USP10: variants seen among roughly 807,000 people sequenced by gnomAD.
USP10 encodes ubiquitin carboxyl-terminal hydrolase 10.
USP10 carries 22 observed loss-of-function variants against 84.5 expected under a neutral mutation model. That is an observed-to-expected ratio of 0.26 (90% CI 0.19 to 0.37). The LOEUF (loss-of-function observed/expected upper bound fraction) is 0.37. USP10 is among the 10% of genes least tolerant of loss of function. USP10 has a pLI of 1.00. For missense variants in USP10, 1,019 were observed against 998.9 expected, an observed-to-expected ratio of 1.02 and a Z score of -0.27; for synonymous variants, 454 against 387.6, an observed-to-expected ratio of 1.17 and a Z score of -2.01.
At chr16:84,763,265 C>A (rs1238630296) in intron 9 of USP10, among the ~76,000 whole-genome samples, 177 bp downstream of exon 9, 3 of 151,914 alleles carry the variant, frequency 2.0e-5, no homozygotes, top group South Asian at 2.1e-4. Context: ...TACAGTTTAT[C>A]CCGAACCTCT....
At position 84,717,718 on chromosome 16, in the gene USP10, C is replaced by T. The variant is rs111724995; in HGVS notation, c.22-15717C>T. 1.3e-3 allele frequency among the ~76,000 whole-genome samples: 205 copies of T among 152,280 alleles called. 1 individual carries two copies. The highest frequency in any genetic ancestry group is 4.6e-3 in the African/African-American group (193 of 41,562). ...TAACTGTAGAGTTGAAGAGGAGATGCATCACTTCTTAGTAATCTTCCTGAG... is the reference window on the plus strand; with the variant it reads ...TAACTGTAGAGTTGAAGAGGAGATGTATCACTTCTTAGTAATCTTCCTGAG... On this transcript the variant is annotated intron_variant, in intron 1 of 13. Coordinates refer to ENST00000219473, the MANE Select transcript of USP10 (RefSeq NM_005153.3).
At chr16:84,730,266 C>T (rs1201786517) in intron 1 of USP10, among the ~76,000 whole-genome samples, 1 of 152,052 alleles carries the variant, frequency 6.6e-6, no homozygotes, top group Non-Finnish European at 1.5e-5. Context: ...TATAGCAACA[C>T]AGATACTCTA....
chr16:84,732,479 C>G (rs566166041), intron 1 of USP10: 6 of 387,780 alleles, frequency 1.5e-5, no homozygotes, highest in South Asian at 1.1e-4. Flanking sequence ...TGGAGTCTGG[C>G]TCTGTCGCCC....
chr16:84,732,990 A>T (rs1909437973), intron 1 of USP10: 1 of 427,278 alleles, frequency 2.3e-6, no homozygotes, highest in Non-Finnish European at 4.6e-6. Context: ...AGGATCATTA[A>T]CATTTTCCTT....
intron 1 of USP10, chr16:84,716,350 A>G (rs1173299868): frequency 2.0e-5 from 3 of 152,240 alleles, no homozygotes; most frequent in Non-Finnish European, 4.4e-5. Flanking sequence ...CTCAGGTTCC[A>G]ATCCTGTTCC....
intron 1 of USP10, among the ~76,000 whole-genome samples, chr16:84,727,244 G>A (rs1470469525): frequency 6.6e-6 from 1 of 152,154 alleles, no homozygotes; most frequent in African/African-American, 2.4e-5. Flanking sequence ...GTCATCAGTG[G>A]CATTTCCCTC....
chr16:84,769,355 C>G (rs1914187573), intron 11 of USP10, among the ~76,000 whole-genome samples: 1 of 152,074 alleles, frequency 6.6e-6, no homozygotes, highest in Non-Finnish European at 1.5e-5. Context: ...CACCCAGGCT[C>G]TGGGGGGATC....
chr16:84,716,687 G>A (rs1907058491), intron 1 of USP10, among the ~76,000 whole-genome samples: 1 of 152,156 alleles, frequency 6.6e-6, no homozygotes. Flanking sequence ...GCAGAATAAT[G>A]AATAAATGCA....
At chr16:84,733,691 T>G (rs1329432930) in intron 2 of USP10, among the ~76,000 whole-genome samples, 188 bp downstream of exon 2, 1 of 152,198 alleles carries the variant, frequency 6.6e-6, no homozygotes, top group East Asian at 1.9e-4. Context: ...TGTATTTACT[T>G]TATTAGGCTT....
intron 4 of USP10, among the ~76,000 whole-genome samples, chr16:84,746,882 A>C (rs181637134): frequency 6.6e-6 from 1 of 152,364 alleles, no homozygotes; most frequent in East Asian, 1.9e-4. Context: ...AGCTTAAAAC[A>C]CACACTACAG....
At chr16:84,710,114 AC>A (rs1217174402) in intron 1 of USP10, among the ~76,000 whole-genome samples, 9 of 152,114 alleles carry the variant, frequency 5.9e-5, no homozygotes, top group Non-Finnish European at 1.3e-4. Context: ...TACTAAAAAT[AC>A]AAAAATTAGC....
Position 84,758,996 on chromosome 16 carries a change from AAAAG to A in USP10, c.1284+191_1284+194del, listed in dbSNP as rs557391525. Among the ~76,000 whole-genome samples the A allele has an allele frequency of 6.6e-5, 10 of 152,296 alleles. No homozygotes were observed. The East Asian group carries it at 1.5e-3, about 23-fold the overall frequency. On this transcript the variant is annotated intron_variant, in intron 5 of 13. Coordinates refer to ENST00000219473, the MANE Select transcript of USP10 (RefSeq NM_005153.3). ...TCCTGACCCCAGTCCATCTCCCTCT[AAAAG>A]AGAGGATATGTTGGCACGTGAATGA...
intron 2 of USP10, among the ~76,000 whole-genome samples, chr16:84,735,176 G>A (rs1375658608): frequency 1.3e-5 from 2 of 150,868 alleles, no homozygotes; most frequent in Non-Finnish European, 2.9e-5. Context: ...GATTACAGGT[G>A]TGTGCTGCCA....
At chr16:84,768,934 T>C (rs777796040) in intron 11 of USP10, among the ~76,000 whole-genome samples, 6 of 152,224 alleles carry the variant, frequency 3.9e-5, no homozygotes, top group Non-Finnish European at 8.8e-5. Context: ...GTGGAGTCCT[T>C]GTCAACTCAG....
intron 1 of USP10, among the ~76,000 whole-genome samples, chr16:84,730,193 T>C (rs369814037): frequency 1.3e-5 from 2 of 152,194 alleles, no homozygotes; most frequent in African/African-American, 4.8e-5. Context: ...TTGTTGATCT[T>C]TCCAGTGTCT....
intron 1 of USP10, among the ~76,000 whole-genome samples, chr16:84,707,584 T>A (rs1905701308): frequency 6.6e-6 from 1 of 152,212 alleles, no homozygotes; most frequent in Non-Finnish European, 1.5e-5. Context: ...TCACTGAACT[T>A]TATTGAGCAA....
At chr16:84,777,171 C>T (rs922295783) in intron 13 of USP10, among the ~76,000 whole-genome samples, 2 of 152,206 alleles carry the variant, frequency 1.3e-5, no homozygotes, top group African/African-American at 2.4e-5. Context: ...AGGCGGTTCT[C>T]AGCGCTCCTG....
At chr16:84,724,536 C>T (rs1908209086) in intron 1 of USP10, among the ~76,000 whole-genome samples, 1 of 152,200 alleles carries the variant, frequency 6.6e-6, no homozygotes, top group Non-Finnish European at 1.5e-5. Flanking sequence ...AGTTTGTCTA[C>T]TTTGTTCGCT....
intron 4 of USP10, among the ~76,000 whole-genome samples, chr16:84,757,439 G>T (rs188524671): frequency 1.4e-5 from 2 of 141,732 alleles, no homozygotes; most frequent in African/African-American, 2.5e-5. Context: ...GTGTGTGTGT[G>T]TGTGTGTTTT....
Sources: gnomAD v4.1 joint callset for allele counts (sites outside exome capture counted in the v4.1 genomes callset) on GRCh38, gnomAD v4.1.1 for gene constraint, MANE v1.5 for transcripts, NCBI Gene and HGNC (gene_info 2026-07-23, HGNC 2026-07-21) for gene names.